ARHGAP21: variants seen among roughly 807,000 people sequenced by gnomAD.
The protein encoded by ARHGAP21 is rho GTPase-activating protein 21.
Under a neutral mutation model 164.6 loss-of-function variants are expected in ARHGAP21, and 38 were observed. That is an observed-to-expected ratio of 0.23 (90% CI 0.18 to 0.30). ARHGAP21 has a LOEUF of 0.30. Among genes scored for constraint, ARHGAP21 ranks in the 10% least tolerant of loss-of-function variants. ARHGAP21 has a pLI of 1.00. For synonymous variants in ARHGAP21, 766 were observed against 857.9 expected, an observed-to-expected ratio of 0.89 and a Z score of 1.87; for missense variants, 1,822 against 2,370.7, an observed-to-expected ratio of 0.77 and a Z score of 4.81.
chr10:24,638,520 C>T (rs574027256), intron 4 of ARHGAP21, among the ~76,000 whole-genome samples: 72 of 152,278 alleles, frequency 4.7e-4, no homozygotes, highest in African/African-American at 1.6e-3. Flanking sequence ...AGCCTGATCC[C>T]GAATTGTGGT....
rs1472176285 is a variant in ARHGAP21 at position 24,620,528 on chromosome 10, C to T, written c.1367G>A (p.Arg456His). Residue 456 changes from arginine to histidine, a missense_variant, in exon 9 of 26, where the codon CGC (arginine) becomes CAC (histidine). By Grantham distance (29) the Arg-to-His change is conservative (BLOSUM62 0). Transcript: ENST00000396432. ...TTCCAGTCTTTCTTGGGACACACTG[C>T]GTTGCCGTATCTGGACAGACTGGGG... Reference protein sequence around the residue: ...RVPQSVQIRQRSVSQERLEDS... With the variant: ...RVPQSVQIRQHSVSQERLEDS... 6 of 1,611,572 alleles carry T rather than the reference C, an allele frequency of 3.7e-6. No homozygotes were observed. The highest frequency in any genetic ancestry group is 1.1e-5 in the South Asian group (1 of 90,692).
Position 24,620,889 on chromosome 10 carries a change from A to G in ARHGAP21, c.1006T>C (p.Ser336Pro). 3 of 1,613,944 alleles carry G rather than the reference A, an allele frequency of 1.9e-6. No homozygotes were observed. Among genetic ancestry groups the G allele is most frequent in the Non-Finnish European group, 2.5e-6 (3 of 1,179,864 alleles). Residue 336 changes from serine to proline, a missense_variant, in exon 9 of 26, where the codon TCC (serine) becomes CCC (proline). This residue lies in a region of ARHGAP21 where 1,090 missense variants were observed against 1,378.9 expected (regional missense o/e 0.79). Coordinates refer to ENST00000396432, the MANE Select transcript of ARHGAP21 (RefSeq NM_020824.4). ...TTHLIHQPAGSRSLEPSGILL... is the reference protein window; with the variant it reads ...TTHLIHQPAGPRSLEPSGILL... Reference sequence around the variant, plus strand: ...ATTCCAGAAGGTTCCAGTGATCTGGAGCCTGCAGGCTGATGAATTAGATGA... The same window carrying G: ...ATTCCAGAAGGTTCCAGTGATCTGGGGCCTGCAGGCTGATGAATTAGATGA...
chr10:24,600,132 C>CAA (rs56180973), intron 14 of ARHGAP21, among the ~76,000 whole-genome samples: 8 of 94,854 alleles, frequency 8.4e-5, no homozygotes, highest in East Asian at 3.3e-4. Flanking sequence ...GACTTCGTTT[C>CAA]AAAAAAAAAA....
chr10:24,670,196 T>G, intron 3 of ARHGAP21, 22 bp downstream of exon 3: 1 of 1,508,970 alleles, frequency 6.6e-7, no homozygotes, highest in East Asian at 2.3e-5. Flanking sequence ...TTTTTTCAAG[T>G]TGCGGTAACT....
intron 9 of ARHGAP21, among the ~76,000 whole-genome samples, chr10:24,609,497 A>G (rs1363458580): frequency 1.3e-5 from 2 of 152,226 alleles, no homozygotes; most frequent in Non-Finnish European, 2.9e-5. Flanking sequence ...TACTCATTTC[A>G]GTATTGTTGC....
chr10:24,609,808 A>T (rs893871625), intron 9 of ARHGAP21, among the ~76,000 whole-genome samples: 8 of 152,244 alleles, frequency 5.3e-5, no homozygotes, highest in Non-Finnish European at 1.0e-4. Flanking sequence ...AAAAATACAT[A>T]TTATTTAGTT....
At chr10:24,635,187 T>TA (rs1366264458) in intron 4 of ARHGAP21, 84 bp from the exon 5 acceptor site, 1 of 825,998 alleles carries the variant, frequency 1.2e-6, no homozygotes, top group Non-Finnish European at 1.8e-6. Flanking sequence ...TTGAGAGAAT[T>TA]AAGCAAAGCT....
At chr10:24,675,766 A>G (rs1428929233) in intron 2 of ARHGAP21, among the ~76,000 whole-genome samples, 2 of 152,212 alleles carry the variant, frequency 1.3e-5, no homozygotes, top group Non-Finnish European at 2.9e-5. Flanking sequence ...GGGAGTTCCT[A>G]AGGGTTCATT....
intron 2 of ARHGAP21, among the ~76,000 whole-genome samples, chr10:24,708,158 T>C (rs997523792): frequency 6.6e-6 from 1 of 152,198 alleles, no homozygotes; most frequent in African/African-American, 2.4e-5. Context: ...CCTCAAAATC[T>C]GAAAACTGAG....
At chr10:24,716,042 T>C (rs1374134474) in intron 2 of ARHGAP21, among the ~76,000 whole-genome samples, 1 of 152,184 alleles carries the variant, frequency 6.6e-6, no homozygotes, top group Non-Finnish European at 1.5e-5. Context: ...ATTCACATAC[T>C]ACATGTCCAA....
chr10:24,653,772 ATAG>A (rs1838469017), intron 4 of ARHGAP21, among the ~76,000 whole-genome samples: 1 of 152,196 alleles, frequency 6.6e-6, no homozygotes, highest in Non-Finnish European at 1.5e-5. Context: ...ATGGAATCAG[ATAG>A]TACTCTTTTG....
chr10:24,591,790 C>A, intron 22 of ARHGAP21, 97 bp downstream of exon 22: 1 of 1,599,290 alleles, frequency 6.3e-7, no homozygotes, highest in Admixed American at 1.7e-5. Context: ...AAAGATATTA[C>A]AACCAACCTC....
intron 9 of ARHGAP21, among the ~76,000 whole-genome samples, chr10:24,612,341 G>GT (rs1443403326): frequency 1.1e-4 from 17 of 152,098 alleles, no homozygotes; most frequent in African/African-American, 3.9e-4. Flanking sequence ...ATTTGTATAA[G>GT]TTGAAAGAAA....
intron 2 of ARHGAP21, among the ~76,000 whole-genome samples, chr10:24,705,226 G>A (rs11815592): frequency 0.079 from 12,026 of 152,208 alleles, 713 homozygotes; most frequent in Non-Finnish European, 0.12. Context: ...TTTCAGCTTC[G>A]TTAGGCTCCT....
At chr10:24,662,573 C>A (rs1323993405) in intron 4 of ARHGAP21, among the ~76,000 whole-genome samples, 1 of 152,200 alleles carries the variant, frequency 6.6e-6, no homozygotes, top group Non-Finnish European at 1.5e-5. Flanking sequence ...ACTCTCCCAA[C>A]CCACTCCCCA....
intron 11 of ARHGAP21, among the ~76,000 whole-genome samples, chr10:24,606,556 T>C (rs1168993563): frequency 2.0e-5 from 3 of 152,170 alleles, no homozygotes; most frequent in Non-Finnish European, 4.4e-5. Flanking sequence ...GGAATGTGGT[T>C]TGGTATAATT....
At chr10:24,619,341 TTA>T (rs1432441216) in intron 9 of ARHGAP21, 130 bp downstream of exon 9, 24 of 897,938 alleles carry the variant, frequency 2.7e-5, no homozygotes, top group Middle Eastern at 6.5e-4. Flanking sequence ...GAAGCACAGC[TTA>T]TGAGATTCAC....
intron 21 of ARHGAP21, 143 bp from the exon 22 acceptor site, chr10:24,592,155 GATT>G: frequency 2.7e-5 from 8 of 295,960 alleles, no homozygotes; most frequent in East Asian, 7.2e-5. Context: ...TTTCTAGCAA[GATT>G]TTTTTTTTTT....
chr10:24,629,944 T>C (rs1385319286), intron 7 of ARHGAP21, 52 bp downstream of exon 7: 2 of 1,257,458 alleles, frequency 1.6e-6, no homozygotes, highest in Admixed American at 3.8e-5. Flanking sequence ...AAAAATATTT[T>C]CCGAACATTC....
Sources: gnomAD v4.1 joint callset for allele counts (sites outside exome capture counted in the v4.1 genomes callset) on GRCh38, gnomAD v4.1.1 for gene constraint, gnomAD v4.1.1 regional missense constraint, MANE v1.5 for transcripts, NCBI Gene and HGNC (gene_info 2026-07-23, HGNC 2026-07-21) for gene names.